TOP3B: variants seen among roughly 807,000 people sequenced by gnomAD.
The protein encoded by TOP3B is DNA topoisomerase 3-beta-1.
A neutral mutation model predicts 93.9 loss-of-function variants in TOP3B; 45 were observed. That is an observed-to-expected ratio of 0.48 (90% CI 0.38 to 0.61). The LOEUF (loss-of-function observed/expected upper bound fraction) is 0.61. TOP3B is among the 20% of genes least tolerant of loss of function. The probability of loss-of-function intolerance (pLI) is 0.00; values close to 1 mark genes in which losing one functional copy is unlikely to be tolerated. For synonymous variants in TOP3B, 357 were observed against 472.6 expected (o/e 0.76, Z 3.17); for missense variants, 750 against 1,156.1 (o/e 0.65, Z 5.09).
At chr22:21,965,219 C>A in intron 9 of TOP3B, 66 bp downstream of exon 9, 1 of 1,252,906 alleles carries the variant, frequency 8.0e-7, no homozygotes, top group Non-Finnish European at 1.1e-6. Flanking sequence ...CCTGGGCACT[C>A]GCTGCTCCAG....
At chr22:21,977,790 T>G (rs2071942414) in intron 1 of TOP3B, among the ~76,000 whole-genome samples, 1 of 152,194 alleles carries the variant, frequency 6.6e-6, no homozygotes, top group African/African-American at 2.4e-5. Flanking sequence ...CTCCTTGGAA[T>G]GAACTTAATA....
At chr22:21,959,370 G>A in intron 15 of TOP3B, 138 bp from the exon 16 acceptor site, 1 of 1,490,184 alleles carries the variant, frequency 6.7e-7, no homozygotes, top group Non-Finnish European at 8.9e-7. Context: ...CGGCAGGGCA[G>A]CAGCCCTGTG....
chr22:21,963,790 C>T lies in TOP3B; in HGVS notation c.1204+133G>A, dbSNP rs1259564720. ...GCAATGGAGCTCATCTTCCAGGTGG[C>T]CCCCCATCCCCACAGCCAGGGCAGG... On this transcript the variant is annotated intron_variant, in intron 11 of 17. Transcript: ENST00000357179. The surrounding 1 kb of genome is among the most constrained non-coding windows in gnomAD (Gnocchi z 4.8). 3.5e-6 allele frequency: 3 copies of T among 853,944 alleles called. No individual in the cohort carries two copies. The highest frequency in any genetic ancestry group is 5.5e-6 in the Non-Finnish European group (3 of 548,436). The allele number at this position is 853,944 out of a possible 1,614,324, so 52.9% of individuals were successfully genotyped here. A position where few individuals can be genotyped will look rare whatever the true frequency, so the allele number is the denominator to read the frequency against.
At chr22:21,972,789 T>A in intron 3 of TOP3B, 71 bp from the exon 4 acceptor site, 1 of 1,292,754 alleles carries the variant, frequency 7.7e-7, no homozygotes. Context: ...CCCAGGAGGA[T>A]GTTGGCCTCA....
At chr22:21,959,533 T>C (rs1000585253) in intron 15 of TOP3B, 54 bp downstream of exon 15, 1 of 1,552,250 alleles carries the variant, frequency 6.4e-7, no homozygotes, top group African/African-American at 1.4e-5. Flanking sequence ...GGTACTGGCC[T>C]TGCTGACAGA....
chr22:21,968,375 T>C, intron 7 of TOP3B: 1 of 512,470 alleles, frequency 2.0e-6, no homozygotes, highest in South Asian at 2.8e-5. Context: ...GACCTCACCC[T>C]GCACTGCCAG....
At position 21,964,333 on chromosome 22, in the gene TOP3B, T is replaced by C. The variant is rs771955488; in HGVS notation, c.944-18A>G. ...CCCCATGCCTGCGAGAGACAGGAGG[T>C]TCTCAGAGGGCCAGGTACGTGGGGA... On this transcript the variant is annotated intron_variant, in intron 9 of 17. Coordinates refer to ENST00000357179, the MANE Select transcript of TOP3B (RefSeq NM_001282112.2). The C allele has an allele frequency of 1.1e-5, 17 of 1,611,902 alleles. No individual in the cohort carries two copies. The African/African-American group carries it at 1.9e-4, about 18-fold the overall frequency.
rs190342260 is a variant in TOP3B at position 21,960,287 on chromosome 22, C to T, written c.1654+34G>A. 4.0e-4 allele frequency: 649 copies of T among 1,612,312 alleles called. 1 individual carries two copies. The highest frequency in any genetic ancestry group is 4.9e-4 in the Non-Finnish European group (576 of 1,179,408). ...CATCCAGGGAGAAGCCAGGGAGCCT[C>T]GGTGGGCCCTGGGGGCAGGACTGAG... On this transcript the variant is annotated intron_variant, in intron 14 of 17. Coordinates refer to ENST00000357179, the MANE Select transcript of TOP3B (RefSeq NM_001282112.2).
chr22:21,974,349 G>A lies in TOP3B; in HGVS notation c.202+8C>T, dbSNP rs768966060. The A allele has an allele frequency of 1.2e-6, 2 of 1,612,936 alleles. No individual in the cohort carries two copies. Among genetic ancestry groups the A allele is most frequent in the East Asian group, 2.2e-5 (1 of 44,858 alleles). Reference sequence around the variant, plus strand: ...CCCTTCAGTAGGATGGAGGGTAGAGGGGCTTACCCAGGAAATCCAGGGTCA... The same window carrying A: ...CCCTTCAGTAGGATGGAGGGTAGAGAGGCTTACCCAGGAAATCCAGGGTCA... On this transcript the variant is annotated splice_region_variant and intron_variant, in intron 3 of 17. Coordinates refer to ENST00000357179, the MANE Select transcript of TOP3B (RefSeq NM_001282112.2).
At chr22:21,959,551 C>T in intron 15 of TOP3B, 36 bp downstream of exon 15, 1 of 1,572,438 alleles carries the variant, frequency 6.4e-7, no homozygotes, top group Non-Finnish European at 8.6e-7. Context: ...AGAGAGACAC[C>T]CCTCTGGTGA....
chr22:21,979,836 G>A (rs2084583432), intron 1 of TOP3B, among the ~76,000 whole-genome samples: 1 of 150,074 alleles, frequency 6.7e-6, no homozygotes, highest in South Asian at 2.1e-4. Context: ...AGCTACTCGG[G>A]AGGCTGAGGC....
In TOP3B at chr22:21,963,295, CCACTGCACTCCAGCCTGGGTG is replaced by C. The variant is rs1198155019; in HGVS notation, c.1205-423_1205-403del. 1 of 180,822 alleles carries C rather than the reference CCACTGCACTCCAGCCTGGGTG, an allele frequency of 5.5e-6. No individual in the cohort carries two copies. Among genetic ancestry groups the C allele is most frequent in the Non-Finnish European group, 1.2e-5 (1 of 84,734 alleles). The allele number at this position is 180,822 out of a possible 1,614,324, so 11.2% of individuals were successfully genotyped here. On this transcript the variant is annotated intron_variant, in intron 11 of 17. Coordinates refer to ENST00000357179, the MANE Select transcript of TOP3B (RefSeq NM_001282112.2). This position sits in a 1 kb window ranked among gnomAD's most constrained non-coding sequence, Gnocchi z 4.8. ...GAGGTTGCAGTGAGCCGAGATCGGG[CCACTGCACTCCAGCCTGGGTG>C]ACAGAACAAGACTCTGTCTCAAAAA... is the stretch of plus-strand genomic sequence containing the variant.
Position 21,974,166 on chromosome 22 carries a change from C to CTGA in TOP3B, c.202+188_202+190dup, listed in dbSNP as rs533204124. ...GTGCCGCTATGATGGGGACCCAGGG[C>CTGA]TGAGTTCCAGAGCCTGGGTTCTGGG... On this transcript the variant is annotated intron_variant, in intron 3 of 17. Coordinates refer to ENST00000357179, the MANE Select transcript of TOP3B (RefSeq NM_001282112.2). 7.0e-5 allele frequency: 42 copies of CTGA among 602,906 alleles called. 1 individual carries two copies. The highest frequency in any genetic ancestry group is 5.9e-4 in the African/African-American group (31 of 52,964). 37.3% of individuals were successfully genotyped at this position (602,906 alleles called of 1,614,324 possible). A position where few individuals can be genotyped will look rare whatever the true frequency, so the allele number is the denominator to read the frequency against.
At chr22:21,979,884 T>C (rs896614443) in intron 1 of TOP3B, among the ~76,000 whole-genome samples, 3 of 132,918 alleles carry the variant, frequency 2.3e-5, no homozygotes, top group South Asian at 4.5e-4. Context: ...GAGCTTGCAG[T>C]GAGCCGAGAT....
In TOP3B at chr22:21,967,685, A is replaced by C; in HGVS notation, c.770T>G (p.Leu257Trp). The C allele has an allele frequency of 6.2e-7, 1 of 1,614,134 alleles. No individual in the cohort carries two copies. Among genetic ancestry groups the C allele is most frequent in the Middle Eastern group, 1.6e-4 (1 of 6,062 alleles). Residue 257 changes from leucine to tryptophan, a missense_variant, in exon 8 of 18, where the codon TTG becomes TGG. Physicochemically the swap from Leu to Trp is moderately conservative, Grantham distance 61. Around this residue, in one of 4 missense-constraint regions of TOP3B, gnomAD observed 737 missense variants for 933.7 expected, o/e 0.79. Coordinates refer to ENST00000357179, the MANE Select transcript of TOP3B (RefSeq NM_001282112.2). ...VNTDKDRSLL[L>W]DWDRVRVFDR... ...AAACACTCTTACTCGGTCCCAGTCC[A>C]AAAGGAGAGATCTGTCTTTGTCAGT...
rs372385126 is a variant in TOP3B at position 21,962,909 on chromosome 22, G to A, written c.1205-16C>T. On this transcript the variant is annotated splice_polypyrimidine_tract_variant and intron_variant, in intron 11 of 17. Transcript: ENST00000357179. ...GCGTCACCCCCTGCAACAGGCCAGG[G>A]CTAGTCAGTTGGGAGCCAGCTGGGG... The A allele has an allele frequency of 6.3e-5, 101 of 1,608,582 alleles. No homozygotes were observed. The highest frequency in any genetic ancestry group is 8.4e-5 in the Non-Finnish European group (99 of 1,175,920).
At chr22:21,967,345 A>AG (rs2071452742) in intron 8 of TOP3B, 1 of 440,084 alleles carries the variant, frequency 2.3e-6, no homozygotes, top group Non-Finnish European at 4.1e-6. Context: ...GGAGAGTGGA[A>AG]GGGGTCCGAC....
chr22:21,965,175 G>C, intron 9 of TOP3B, 110 bp downstream of exon 9: 1 of 638,288 alleles, frequency 1.6e-6, no homozygotes, highest in Non-Finnish European at 2.5e-6. Context: ...CTGAGGCTCA[G>C]ATCCCCTTGA....
chr22:21,968,381 G>A, intron 7 of TOP3B: 2 of 519,524 alleles, frequency 3.8e-6, no homozygotes, highest in Non-Finnish European at 3.4e-6. Flanking sequence ...ACCCTGCACT[G>A]CCAGAGCTGA....
Sources: allele counts gnomAD v4.1 joint callset (sites outside exome capture counted in the v4.1 genomes callset), GRCh38; gene constraint gnomAD v4.1.1; regional missense constraint gnomAD v4.1.1; non-coding constraint Gnocchi (gnomAD v3.1); transcripts MANE v1.5; gene names NCBI Gene and HGNC (gene_info 2026-07-23, HGNC 2026-07-21).